NCAPD2: variants seen among roughly 807,000 people sequenced by gnomAD.
NCAPD2 encodes the protein condensin complex subunit 1.
A neutral mutation model predicts 164.5 loss-of-function variants in NCAPD2; 100 were observed. The observed-to-expected ratio is 0.61, with a 90% CI of 0.52 to 0.72. The LOEUF (loss-of-function observed/expected upper bound fraction) is 0.72, where lower values mean the gene tolerates loss of function less well. Among genes scored for constraint, NCAPD2 ranks in the 30% least tolerant of loss-of-function variants. The pLI is 0.00. For synonymous variants in NCAPD2, 585 were observed against 642.6 expected, an observed-to-expected ratio of 0.91 and a Z score of 1.36; for missense variants, 1,560 against 1,749.2, an observed-to-expected ratio of 0.89 and a Z score of 1.93.
At chr12:6,513,715 C>CTGTTTTTTTTTTTTTTTTT (rs1946171738) in intron 6 of NCAPD2, among the ~76,000 whole-genome samples, 1 of 74,892 alleles carries the variant, frequency 1.3e-5, no homozygotes. Flanking sequence ...GTGACTTTGT[C>CTGTTTTTTTTTTTTTTTTT]TTTTTTTTTT....
intron 3 of NCAPD2, 62 bp downstream of exon 3, chr12:6,509,854 A>G: frequency 6.5e-7 from 1 of 1,539,736 alleles, no homozygotes; most frequent in Non-Finnish European, 8.9e-7. Context: ...CTAACTGTGC[A>G]TGTTAGTCCT....
intron 2 of NCAPD2, among the ~76,000 whole-genome samples, chr12:6,499,931 G>C (rs1329024411): frequency 4.0e-5 from 6 of 150,542 alleles, no homozygotes; most frequent in Non-Finnish European, 8.9e-5. Context: ...GACCAGCCTG[G>C]CCAACATGGT....
chr12:6,514,423 T>A, intron 7 of NCAPD2, 31 bp downstream of exon 7: 1 of 1,614,186 alleles, frequency 6.2e-7, no homozygotes, highest in Non-Finnish European at 8.5e-7. Flanking sequence ...CCCCGCCTTT[T>A]TTGTATTGCC....
intron 2 of NCAPD2, among the ~76,000 whole-genome samples, chr12:6,500,848 G>T (rs1946027667): frequency 6.6e-6 from 1 of 152,150 alleles, no homozygotes; most frequent in South Asian, 2.1e-4. Context: ...GTTGAGCAGA[G>T]ACTATAAGAG....
At chr12:6,517,099 A>T (rs1946209461) in intron 10 of NCAPD2, 74 bp downstream of exon 10, 11 of 1,521,390 alleles carry the variant, frequency 7.2e-6, no homozygotes, top group Admixed American at 6.8e-5. Flanking sequence ...CCAGTGTTGA[A>T]GATAAATATC....
In NCAPD2 at chr12:6,510,995, TC is replaced by T. The variant is rs1365418198; in HGVS notation, c.445-113del. 8 of 1,318,404 alleles carry T rather than the reference TC, an allele frequency of 6.1e-6. No individual in the cohort carries two copies. In the South Asian group the frequency reaches 8.5e-5, roughly 14 times the overall value. The allele number at this position is 1,318,404 out of a possible 1,614,324, so 81.7% of individuals were successfully genotyped here. On this transcript the variant is annotated intron_variant, in intron 5 of 31. Transcript: ENST00000315579. ...GCGCTGTGGAACTTGTAATATTTCT[TC>T]CGTATTACCTTCTATGTTGTCTTGG...
At chr12:6,530,646 G>GT in intron 29 of NCAPD2, 45 bp from the exon 30 acceptor site, 1 of 1,608,574 alleles carries the variant, frequency 6.2e-7, no homozygotes, top group Non-Finnish European at 8.5e-7. Context: ...TTAATCAGAA[G>GT]TAACTGTTTT....
intron 2 of NCAPD2, among the ~76,000 whole-genome samples, chr12:6,499,594 G>A (rs1032504651): frequency 1.2e-4 from 18 of 152,194 alleles, no homozygotes; most frequent in East Asian, 5.8e-4. Flanking sequence ...GTTTCACCAT[G>A]TTGGCCAGGC....
At position 6,505,684 on chromosome 12, in the gene NCAPD2, C is replaced by T. The variant is rs541804033; in HGVS notation, c.128-4033C>T. On this transcript the variant is annotated intron_variant, in intron 2 of 31. Transcript: ENST00000315579. Reference sequence around the variant, plus strand: ...TAAAACCCTGTCTCTACTAAAAATTCAAAAATTAGCCAGGTGTGGTAAATA... The same window carrying T: ...TAAAACCCTGTCTCTACTAAAAATTTAAAAATTAGCCAGGTGTGGTAAATA... 9.6e-4 allele frequency among the ~76,000 whole-genome samples: 146 copies of T among 151,944 alleles called. 1 individual carries two copies. Among genetic ancestry groups the T allele is most frequent in the African/African-American group, 3.3e-3 (138 of 41,474 alleles).
At chr12:6,517,061 C>T (rs1946208905) in intron 10 of NCAPD2, 36 bp downstream of exon 10, 2 of 1,586,408 alleles carry the variant, frequency 1.3e-6, no homozygotes, top group African/African-American at 2.7e-5. Context: ...CATATGGTAC[C>T]TCTCCATATA....
intron 2 of NCAPD2, among the ~76,000 whole-genome samples, chr12:6,507,186 A>T (rs1212812582): frequency 6.6e-6 from 1 of 152,180 alleles, no homozygotes; most frequent in Non-Finnish European, 1.5e-5. Flanking sequence ...CATGTTGCCC[A>T]GGCGGATCTT....
At chr12:6,504,681 C>T (rs1246120687) in intron 2 of NCAPD2, among the ~76,000 whole-genome samples, 3 of 151,986 alleles carry the variant, frequency 2.0e-5, no homozygotes, top group South Asian at 2.1e-4. Flanking sequence ...TGTGAGCCAC[C>T]GCGTCGAGCC....
chr12:6,528,089 C>T lies in NCAPD2; in HGVS notation c.3141C>T (p.Ile1047=), dbSNP rs548548689. Reference sequence around the variant, plus strand: ...TTGCCCTTGGCAAGTTCTGCATGATCAGGTAGGCCGTGGGGTTGGTACCCC... The same window carrying T: ...TTGCCCTTGGCAAGTTCTGCATGATTAGGTAGGCCGTGGGGTTGGTACCCC... The part of the protein sequence containing the change: ...ASLALGKFCM[I]SATFCDSQLR... Residue 1047 remains isoleucine (I), a splice_region_variant and synonymous_variant, in exon 24 of 32, where the codon ATC becomes ATT. Coordinates refer to ENST00000315579, the MANE Select transcript of NCAPD2 (RefSeq NM_014865.4). The surrounding 1 kb of genome is among the most constrained non-coding windows in gnomAD (Gnocchi z 5.1). 5 of 1,614,254 alleles carry T rather than the reference C, an allele frequency of 3.1e-6. No homozygotes were observed. In the African/African-American group the frequency reaches 5.3e-5, roughly 17 times the overall value.
At chr12:6,499,207 C>T (rs559720749) in intron 2 of NCAPD2, among the ~76,000 whole-genome samples, 3 of 152,056 alleles carry the variant, frequency 2.0e-5, no homozygotes, top group East Asian at 1.9e-4. Flanking sequence ...ATATTTCTTT[C>T]TTTCTTTCTT....
At chr12:6,515,114 A>G (rs188510393) in intron 9 of NCAPD2, among the ~76,000 whole-genome samples, 194 bp downstream of exon 9, 2 of 152,288 alleles carry the variant, frequency 1.3e-5, no homozygotes, top group Admixed American at 1.3e-4. Context: ...TAATCTTTCA[A>G]TTCACATTGC....
At chr12:6,525,501 C>G in intron 17 of NCAPD2, 82 bp from the exon 18 acceptor site, 1 of 1,495,804 alleles carries the variant, frequency 6.7e-7, no homozygotes, top group Non-Finnish European at 9.0e-7. Flanking sequence ...ACTTCAGGTT[C>G]GCAATATCAT....
chr12:6,512,539 G>T (rs761109205), intron 6 of NCAPD2, among the ~76,000 whole-genome samples: 1 of 152,236 alleles, frequency 6.6e-6, no homozygotes, highest in African/African-American at 2.4e-5. Flanking sequence ...CAGGTACGAG[G>T]GTTAGGCCGT....
At chr12:6,509,898 C>A in intron 3 of NCAPD2, 106 bp downstream of exon 3, 1 of 1,306,470 alleles carries the variant, frequency 7.7e-7, no homozygotes. Flanking sequence ...TGATAAATGC[C>A]TCTGGATATT....
Position 6,528,648 on chromosome 12 carries a change from C to G in NCAPD2, c.3300-31C>G, listed in dbSNP as rs376916144. ...GTGTTAGGGTGTAGCCCGGAGGTCT[C>G]GGTCCCCATGACCCGCAATTCCATT... On this transcript the variant is annotated intron_variant, in intron 25 of 31. Coordinates refer to ENST00000315579, the MANE Select transcript of NCAPD2 (RefSeq NM_014865.4). This position sits in a 1 kb window ranked among gnomAD's most constrained non-coding sequence, Gnocchi z 5.1. The G allele has an allele frequency of 2.1e-5, 33 of 1,597,250 alleles. No homozygotes were observed. The East Asian group carries it at 7.0e-4, about 34-fold the overall frequency.
Sources: allele counts gnomAD v4.1 joint callset (sites outside exome capture counted in the v4.1 genomes callset), GRCh38; gene constraint gnomAD v4.1.1; non-coding constraint Gnocchi (gnomAD v3.1); transcripts MANE v1.5; gene names NCBI Gene and HGNC (gene_info 2026-07-23, HGNC 2026-07-21).